Variants in ZNF536 observed in about 807,000 individuals in gnomAD.
ZNF536 encodes the protein zinc finger protein 536.
A neutral mutation model predicts 84.5 loss-of-function variants in ZNF536; 13 were observed. The ratio of observed to expected loss-of-function variants is 0.15; its 90% CI spans 0.10 to 0.24. ZNF536 has a LOEUF of 0.24. ZNF536 is among the 10% of genes least tolerant of loss of function. The probability of loss-of-function intolerance (pLI) is 1.00; values close to 1 mark genes in which losing one functional copy is unlikely to be tolerated. For missense variants in ZNF536, 1,536 were observed against 1,747.5 expected, an observed-to-expected ratio of 0.88 and a Z score of 2.16; for synonymous variants, 811 against 742.5, an observed-to-expected ratio of 1.09 and a Z score of -1.50.
chr19:30,552,315 A>G (rs1452744389), intron 4 of ZNF536, among the ~76,000 whole-genome samples: 1 of 152,202 alleles, frequency 6.6e-6, no homozygotes, highest in Non-Finnish European at 1.5e-5. Context: ...TCTCAGATGG[A>G]TAAAGTTGAG....
intron 2 of ZNF536, among the ~76,000 whole-genome samples, chr19:30,296,443 C>A (rs1049492595): frequency 1.3e-5 from 2 of 152,184 alleles, no homozygotes; most frequent in African/African-American, 4.8e-5. Context: ...GCCAAGACAT[C>A]CTGGGGAAAA....
chr19:30,311,909 A>G (rs916192842), intron 2 of ZNF536, among the ~76,000 whole-genome samples: 1 of 151,992 alleles, frequency 6.6e-6, no homozygotes, highest in Non-Finnish European at 1.5e-5. Flanking sequence ...TCTCTACGAA[A>G]AGTTAAAAAA....
At chr19:30,227,972 C>A (rs2022716876), upstream of ZNF536, among the ~76,000 whole-genome samples, 1 of 152,124 alleles carries the variant, frequency 6.6e-6, no homozygotes, top group Non-Finnish European at 1.5e-5. Context: ...GTTGGGCAGC[C>A]CCGCGCGCCC....
chr19:30,476,639 C>T (rs1451282039), intron 2 of ZNF536, among the ~76,000 whole-genome samples: 3 of 152,190 alleles, frequency 2.0e-5, no homozygotes, highest in Admixed American at 1.3e-4. Context: ...AGATGGACTC[C>T]CTCTGTGGCT....
At chr19:30,442,310 G>A (rs1313305833) in intron 1 of ZNF536, among the ~76,000 whole-genome samples, 1 of 152,252 alleles carries the variant, frequency 6.6e-6, no homozygotes, top group Non-Finnish European at 1.5e-5. Context: ...TGAAGAGGGG[G>A]CAGAGAGGAC....
intron 3 of ZNF536, among the ~76,000 whole-genome samples, chr19:30,362,926 G>A (rs1378821014): frequency 6.6e-6 from 1 of 152,118 alleles, no homozygotes; most frequent in African/African-American, 2.4e-5. Flanking sequence ...AGGCGTGATG[G>A]TGCGTGCCTG....
At chr19:30,557,001 C>T in intron 4 of ZNF536, 156 bp from the exon 5 acceptor site, 1 of 758,946 alleles carries the variant, frequency 1.3e-6, no homozygotes, top group Non-Finnish European at 2.2e-6. Flanking sequence ...ACTATTCTTG[C>T]TTTAGCCAGA....
intron 3 of ZNF536, among the ~76,000 whole-genome samples, chr19:30,543,767 G>A (rs11666918): frequency 0.1 from 15,331 of 152,214 alleles, 1,067 homozygotes; most frequent in Non-Finnish European, 0.15. Flanking sequence ...CTAGGCCAAC[G>A]TTGTAAGTAG....
At chr19:30,393,331 G>T (rs921056188) in intron 1 of ZNF536, among the ~76,000 whole-genome samples, 1 of 152,174 alleles carries the variant, frequency 6.6e-6, no homozygotes, top group Non-Finnish European at 1.5e-5. Context: ...AGCCATCCAA[G>T]AAGAGGGTCT....
chr19:30,624,108 G>A (rs1568613189), intron 1 of ZNF536, among the ~76,000 whole-genome samples: 1 of 152,112 alleles, frequency 6.6e-6, no homozygotes, highest in Non-Finnish European at 1.5e-5. Context: ...GGCACTCTGG[G>A]GTGTGGGTAT....
chr19:30,645,785 T>A (rs1254594060), intron 1 of ZNF536, among the ~76,000 whole-genome samples: 4 of 152,242 alleles, frequency 2.6e-5, no homozygotes, highest in African/African-American at 9.6e-5. Flanking sequence ...ACTTAGCGGA[T>A]GGCGCCACCC....
At chr19:30,265,299 A>G (rs569793602) in intron 1 of ZNF536, among the ~76,000 whole-genome samples, 48 of 152,214 alleles carry the variant, frequency 3.2e-4, no homozygotes, top group Admixed American at 1.6e-3. Context: ...GCCCTCTTCA[A>G]CTTTGCTGGT....
intron 2 of ZNF536, among the ~76,000 whole-genome samples, chr19:30,454,017 G>A (rs1286392462): frequency 2.0e-5 from 3 of 152,252 alleles, no homozygotes; most frequent in African/African-American, 7.2e-5. Context: ...CCAGCCAGGA[G>A]GCTGCCTCCA....
intron 1 of ZNF536, among the ~76,000 whole-genome samples, chr19:30,270,768 T>A (rs1020491831): frequency 9.7e-5 from 14 of 143,946 alleles, no homozygotes; most frequent in East Asian, 2.2e-4. Context: ...TTTTTTTTTT[T>A]AAAGAACAAT....
chr19:30,260,573 G>A (rs1389183462), intron 1 of ZNF536, among the ~76,000 whole-genome samples: 1 of 152,216 alleles, frequency 6.6e-6, no homozygotes, highest in Non-Finnish European at 1.5e-5. Flanking sequence ...TCTTGGCAGT[G>A]AGAGAGACTC....
At chr19:30,326,456 C>T (rs944101522) in intron 2 of ZNF536, among the ~76,000 whole-genome samples, 1 of 152,126 alleles carries the variant, frequency 6.6e-6, no homozygotes, top group Non-Finnish European at 1.5e-5. Context: ...TCTTTTTGTT[C>T]GTGGTAGGGA....
chr19:30,513,308 T>C (rs558936940), intron 2 of ZNF536, among the ~76,000 whole-genome samples: 1 of 152,282 alleles, frequency 6.6e-6, no homozygotes, highest in African/African-American at 2.4e-5. Context: ...ATAAGAGCCA[T>C]TTGCAAGTGA....
intron 2 of ZNF536, among the ~76,000 whole-genome samples, chr19:30,480,933 G>A (rs145417313): frequency 6.6e-6 from 1 of 151,900 alleles, no homozygotes; most frequent in East Asian, 1.9e-4. Context: ...TACTTGGGAG[G>A]CTGAGGCAGG....
chr19:30,711,980 G>A (rs977563534), exon 2 of ZNF536: 2 of 151,936 alleles, frequency 1.3e-5, no homozygotes, highest in African/African-American at 4.8e-5. Context: ...TTTTTCATGT[G>A]TTGGTTTTTA....
Sources: gnomAD v4.1 joint callset for allele counts (sites outside exome capture counted in the v4.1 genomes callset) on GRCh38, gnomAD v4.1.1 for gene constraint, MANE v1.5 for transcripts, NCBI Gene and HGNC (gene_info 2026-07-23, HGNC 2026-07-21) for gene names.